The following CAMK4 variants were observed in gnomAD, a reference collection of about 807,000 sequenced individuals.
The protein encoded by CAMK4 is calcium/calmodulin dependent protein kinase IV, also known as calcium/calmodulin-dependent protein kinase type IV.
A neutral mutation model predicts 44.9 loss-of-function variants in CAMK4; 22 were observed. The ratio of observed to expected loss-of-function variants is 0.49; its 90% confidence interval spans 0.35 to 0.70. The LOEUF is 0.70. Among genes scored for constraint, CAMK4 ranks in the 30% least tolerant of loss-of-function variants. CAMK4 has a pLI of 0.01. For synonymous variants in CAMK4, 218 were observed against 215.4 expected, an observed-to-expected ratio of 1.01 and a Z score of -0.11; for missense variants, 498 against 586.8, an observed-to-expected ratio of 0.85 and a Z score of 1.56.
chr5:111,401,669 T>C (rs1341828730), intron 5 of CAMK4, among the ~76,000 whole-genome samples: 2 of 152,166 alleles, frequency 1.3e-5, no homozygotes, highest in Non-Finnish European at 2.9e-5. Context: ...AGGAAATCAA[T>C]TGATAATGAA....
intron 1 of CAMK4, among the ~76,000 whole-genome samples, chr5:111,276,906 A>T (rs776882650): frequency 6.6e-6 from 1 of 152,146 alleles, no homozygotes; most frequent in Non-Finnish European, 1.5e-5. Context: ...ATCCTTTTTG[A>T]TCACAAAAGT....
At chr5:111,247,730 G>A (rs926858562) in intron 1 of CAMK4, among the ~76,000 whole-genome samples, 2 of 151,952 alleles carry the variant, frequency 1.3e-5, no homozygotes, top group East Asian at 1.9e-4. Flanking sequence ...GATAATGGAG[G>A]ATAATCTACT....
intron 1 of CAMK4, among the ~76,000 whole-genome samples, chr5:111,254,746 C>G (rs1749667799): frequency 6.6e-6 from 1 of 152,138 alleles, no homozygotes; most frequent in African/African-American, 2.4e-5. Context: ...ATCATGCACA[C>G]CGCTCTACAT....
intron 2 of CAMK4, among the ~76,000 whole-genome samples, chr5:111,361,979 G>A (rs959904467): frequency 6.6e-6 from 1 of 151,992 alleles, no homozygotes; most frequent in African/African-American, 2.4e-5. Flanking sequence ...TTAGTATGCT[G>A]CAATTGTAGT....
At chr5:111,281,087 C>A (rs1329874934) in intron 1 of CAMK4, among the ~76,000 whole-genome samples, 1 of 152,174 alleles carries the variant, frequency 6.6e-6, no homozygotes, top group Non-Finnish European at 1.5e-5. Flanking sequence ...GTGGAAAGTT[C>A]TATTTCTCTG....
intron 1 of CAMK4, among the ~76,000 whole-genome samples, chr5:111,281,875 G>A (rs911485500): frequency 2.6e-5 from 4 of 151,674 alleles, no homozygotes; most frequent in Admixed American, 6.6e-5. Flanking sequence ...TGGCTAACAC[G>A]GTGAAACCCC....
At chr5:111,354,224 A>G (rs1750230485) in intron 2 of CAMK4, among the ~76,000 whole-genome samples, 1 of 152,130 alleles carries the variant, frequency 6.6e-6, no homozygotes, top group African/African-American at 2.4e-5. Context: ...TACAAATTAC[A>G]TGTGTAATTT....
intron 5 of CAMK4, among the ~76,000 whole-genome samples, chr5:111,445,906 C>A (rs75537077): frequency 2.6e-5 from 4 of 152,050 alleles, no homozygotes; most frequent in South Asian, 4.1e-4. Context: ...TGGGAAAAAA[C>A]GTTTCAAACT....
chr5:111,380,020 C>G (rs1751354480), intron 4 of CAMK4, among the ~76,000 whole-genome samples: 2 of 152,036 alleles, frequency 1.3e-5, no homozygotes, highest in African/African-American at 4.8e-5. Context: ...AAGAAGAAAG[C>G]TCCCATGAAG....
At position 111,394,929 on chromosome 5, in the gene CAMK4, G is replaced by T. The variant is rs1751939335; in HGVS notation, c.459+147G>T. On this transcript the variant is annotated intron_variant, in intron 5 of 10. Transcript: ENST00000282356. ...TTTATTAGAAAATGTGTGGAATAAG[G>T]TGGGCATGGTGGCTCAAGCCTGTAA... 4 of 600,082 alleles carry T rather than the reference G, an allele frequency of 6.7e-6. No homozygotes were observed. In the Admixed American group the frequency reaches 1.2e-4, roughly 19 times the overall value. 37.2% of individuals were successfully genotyped at this position (600,082 alleles called of 1,614,324 possible). A position where few individuals can be genotyped will look rare whatever the true frequency, so the allele number is the denominator to read the frequency against.
intron 1 of CAMK4, among the ~76,000 whole-genome samples, chr5:111,330,372 A>G (rs976892923): frequency 2.0e-5 from 3 of 151,722 alleles, no homozygotes; most frequent in African/African-American, 7.2e-5. Flanking sequence ...TACACACTGT[A>G]AATGGATTGG....
At chr5:111,269,425 C>G (rs1313611091) in intron 1 of CAMK4, among the ~76,000 whole-genome samples, 1 of 152,200 alleles carries the variant, frequency 6.6e-6, no homozygotes, top group Non-Finnish European at 1.5e-5. Flanking sequence ...AAGGGCCTTC[C>G]TCCATGAACT....
At chr5:111,409,864 C>A (rs1029329641) in intron 5 of CAMK4, among the ~76,000 whole-genome samples, 4 of 152,166 alleles carry the variant, frequency 2.6e-5, no homozygotes, top group Non-Finnish European at 5.9e-5. Flanking sequence ...CCATTTGAGT[C>A]CACCTCAGCC....
At chr5:111,284,881 T>C (rs1303559216) in intron 1 of CAMK4, among the ~76,000 whole-genome samples, 2 of 152,194 alleles carry the variant, frequency 1.3e-5, no homozygotes, top group East Asian at 1.9e-4. Flanking sequence ...TTCTAAATCA[T>C]GAAAAAGAGA....
At chr5:111,422,752 T>C (rs933722808) in intron 5 of CAMK4, among the ~76,000 whole-genome samples, 15 of 152,242 alleles carry the variant, frequency 9.9e-5, no homozygotes, top group African/African-American at 3.4e-4. Context: ...AATGTATGTA[T>C]TTGTATTTGT....
chr5:111,292,579 A>G (rs1038791326), intron 1 of CAMK4, among the ~76,000 whole-genome samples: 1 of 152,132 alleles, frequency 6.6e-6, no homozygotes, highest in African/African-American at 2.4e-5. Flanking sequence ...AGTGAGAAAA[A>G]TCTAAGTCCT....
chr5:111,403,176 C>T (rs1417628516), intron 5 of CAMK4, among the ~76,000 whole-genome samples: 1 of 152,140 alleles, frequency 6.6e-6, no homozygotes, highest in African/African-American at 2.4e-5. Flanking sequence ...CCACATATTG[C>T]TAAATCAGGA....
intron 1 of CAMK4, among the ~76,000 whole-genome samples, chr5:111,329,627 A>G (rs1749067985): frequency 6.6e-6 from 1 of 151,844 alleles, no homozygotes; most frequent in African/African-American, 2.4e-5. Context: ...TAAATAATAC[A>G]TCATCAGCAA....
intron 1 of CAMK4, among the ~76,000 whole-genome samples, chr5:111,243,658 T>C (rs72780326): frequency 0.2 from 30,013 of 152,192 alleles, 3,773 homozygotes; most frequent in Non-Finnish European, 0.28. Flanking sequence ...TCTTGTTTTT[T>C]GTCTGTTTGT....
Sources: allele counts gnomAD v4.1 joint callset (sites outside exome capture counted in the v4.1 genomes callset), GRCh38; gene constraint gnomAD v4.1.1; transcripts MANE v1.5; gene names NCBI Gene and HGNC (gene_info 2026-07-23, HGNC 2026-07-21).